The following GPR39 variants were observed in gnomAD, a reference collection of about 807,000 sequenced individuals.
GPR39 encodes G protein-coupled receptor 39.
A neutral mutation model predicts 18.4 loss-of-function variants in GPR39; 23 were observed. The observed-to-expected ratio is 1.25, with a 90% CI of 0.90 to 1.77. The LOEUF (loss-of-function observed/expected upper bound fraction) is 1.77. Ranked by LOEUF, GPR39 falls within the 40% of genes most tolerant of loss-of-function variation. The pLI, the probability that GPR39 is intolerant of heterozygous loss-of-function variation, is 0.00. For missense variants in GPR39, 647 were observed against 602.4 expected, an observed-to-expected ratio of 1.07 and a Z score of -0.78; for synonymous variants, 280 against 257.9, an observed-to-expected ratio of 1.09 and a Z score of -0.82.
At chr2:132,456,383 A>G (rs939495308) in intron 1 of GPR39, among the ~76,000 whole-genome samples, 3 of 151,556 alleles carry the variant, frequency 2.0e-5, no homozygotes, top group African/African-American at 7.3e-5. Flanking sequence ...TTTGCACATG[A>G]GATGGGTCTC....
At chr2:132,464,818 A>T (rs1357207796) in intron 1 of GPR39, among the ~76,000 whole-genome samples, 1 of 152,212 alleles carries the variant, frequency 6.6e-6, no homozygotes, top group African/African-American at 2.4e-5. Context: ...CTCCAAATGT[A>T]GAGGTGCTCT....
Position 132,465,465 on chromosome 2 carries a change from T to C in GPR39, c.856+47567T>C, listed in dbSNP as rs550186033. Among the ~76,000 whole-genome samples, 27 of 152,298 alleles carry C rather than the reference T, an allele frequency of 1.8e-4. No homozygotes were observed. In the South Asian group the frequency reaches 5.6e-3, roughly 32 times the overall value. ...GCTGCTGGTATTGGCAATGAAACTG[T>C]CTGTGAGTGCATTGGCACTGTTGTA... On this transcript the variant is annotated intron_variant, in intron 1 of 1. Coordinates refer to ENST00000329321, the MANE Select transcript of GPR39 (RefSeq NM_001508.3).
At chr2:132,505,636 A>G (rs1299120765) in intron 1 of GPR39, among the ~76,000 whole-genome samples, 1 of 152,152 alleles carries the variant, frequency 6.6e-6, no homozygotes, top group Non-Finnish European at 1.5e-5. Context: ...CCTGCAAATG[A>G]GTGGGATTAT....
At chr2:132,426,726 C>CAGTA (rs1680124799) in intron 1 of GPR39, among the ~76,000 whole-genome samples, 1 of 152,170 alleles carries the variant, frequency 6.6e-6, no homozygotes, top group Non-Finnish European at 1.5e-5. Context: ...GCCATTCTGG[C>CAGTA]AAGCAGAGGG....
intron 1 of GPR39, among the ~76,000 whole-genome samples, chr2:132,436,795 A>G (rs569619666): frequency 6.6e-6 from 1 of 152,278 alleles, no homozygotes; most frequent in South Asian, 2.1e-4. Flanking sequence ...TCTCTGCCTC[A>G]GTTTCCATCA....
At position 132,562,155 on chromosome 2, in the gene GPR39, AT is replaced by A. The variant is rs936018990; in HGVS notation, c.857-82935del. ...TTCTGAGGGTGAGGCCCAGGCATCC[AT>A]TTTTTTTTTTAAGGCTCTCCATATG... On this transcript the variant is annotated intron_variant, in intron 1 of 1. Transcript: ENST00000329321. 4.0e-3 allele frequency among the ~76,000 whole-genome samples: 590 copies of A among 146,710 alleles called. 4 individuals carry two copies. The highest frequency in any genetic ancestry group is 0.013 in the African/African-American group (528 of 40,260).
chr2:132,645,843 T>C lies in GPR39; in HGVS notation c.*237T>C, dbSNP rs1009278956. 1 of 662,614 alleles carries C rather than the reference T, an allele frequency of 1.5e-6. No homozygotes were observed. The highest frequency in any genetic ancestry group is 3.2e-5 in the Admixed American group (1 of 30,780). The allele number at this position is 662,614 out of a possible 1,614,324, so 41.0% of individuals were successfully genotyped here. Reference sequence around the variant, plus strand: ...ACTCCACCTCCTTCCTTCAAGTACATACTGAAAATTCAGTCAGGCTGAATT... The same window carrying C: ...ACTCCACCTCCTTCCTTCAAGTACACACTGAAAATTCAGTCAGGCTGAATT... On this transcript the variant is annotated 3_prime_UTR_variant, in exon 2 of 2. Transcript: ENST00000329321.
At chr2:132,588,772 C>T (rs1025953612) in intron 1 of GPR39, among the ~76,000 whole-genome samples, 2 of 152,198 alleles carry the variant, frequency 1.3e-5, no homozygotes, top group African/African-American at 4.8e-5. Flanking sequence ...ACATGCTATT[C>T]ATAGAACCAG....
In GPR39 at chr2:132,645,279, G is replaced by T. The variant is rs370162388; in HGVS notation, c.1035G>T (p.Thr345=). The T allele has an allele frequency of 3.1e-6, 5 of 1,614,006 alleles. No individual in the cohort carries two copies. The highest frequency in any genetic ancestry group is 3.4e-6 in the Non-Finnish European group (4 of 1,180,026). ...LSSVINPLLY[T]VSSQQFRRVF... ...CGGTCATCAACCCGCTCCTGTACACGGTGTCCTCGCAGCAGTTTCGGCGGG... is the reference window on the plus strand; with the variant it reads ...CGGTCATCAACCCGCTCCTGTACACTGTGTCCTCGCAGCAGTTTCGGCGGG... The change falls in exon 2 of 2, where the codon ACG becomes ACT. Residue 345 remains threonine, a synonymous_variant. Coordinates refer to ENST00000329321, the MANE Select transcript of GPR39 (RefSeq NM_001508.3).
At chr2:132,487,681 C>CCTA (rs1446408044) in intron 1 of GPR39, among the ~76,000 whole-genome samples, 1 of 151,976 alleles carries the variant, frequency 6.6e-6, no homozygotes, top group Non-Finnish European at 1.5e-5. Context: ...GCCAATTAGA[C>CCTA]CTAGCTTTAA....
chr2:132,455,207 T>G (rs1181033454), intron 1 of GPR39, among the ~76,000 whole-genome samples: 1 of 152,208 alleles, frequency 6.6e-6, no homozygotes, highest in Non-Finnish European at 1.5e-5. Context: ...GGTTTAGTCT[T>G]GGGAGGGTGT....
Position 132,645,665 on chromosome 2 carries a change from T to A in GPR39, c.*59T>A, listed in dbSNP as rs1573719791. The A allele has an allele frequency of 6.4e-7, 1 of 1,555,748 alleles. No homozygotes were observed. The highest frequency in any genetic ancestry group is 8.7e-7 in the Non-Finnish European group (1 of 1,153,026). On this transcript the variant is annotated 3_prime_UTR_variant, in exon 2 of 2. Coordinates refer to ENST00000329321, the MANE Select transcript of GPR39 (RefSeq NM_001508.3). ...CCCTCCAGCCCTAAGAAAACGTCAC[T>A]CTCACTCTGCAGTCTCAAACTATGC...
intron 1 of GPR39, among the ~76,000 whole-genome samples, chr2:132,536,682 C>G (rs1474402704): frequency 6.6e-6 from 1 of 152,096 alleles, no homozygotes; most frequent in Non-Finnish European, 1.5e-5. Flanking sequence ...AAGTCTTCCA[C>G]TATTATCGTG....
At chr2:132,555,586 G>A (rs1242548119) in intron 1 of GPR39, among the ~76,000 whole-genome samples, 1 of 152,200 alleles carries the variant, frequency 6.6e-6, no homozygotes. Context: ...AGTACCCCCA[G>A]AAACCAATGG....
rs543148359 is a variant in GPR39 at position 132,478,643 on chromosome 2, A to G, written c.856+60745A>G. The stretch of plus-strand genomic sequence containing the variant: ...ACTGGTGTCTGACATCTTCCAGTAA[A>G]TCTAAATTAAATGTATTCTTGTGAA... On this transcript the variant is annotated intron_variant, in intron 1 of 1. Coordinates refer to ENST00000329321, the MANE Select transcript of GPR39 (RefSeq NM_001508.3). Among the ~76,000 whole-genome samples, 7 of 152,364 alleles carry G rather than the reference A, an allele frequency of 4.6e-5. No homozygotes were observed. In the East Asian group the frequency reaches 1.2e-3, roughly 25 times the overall value.
chr2:132,630,502 T>C (rs141174557), intron 1 of GPR39, among the ~76,000 whole-genome samples: 3 of 152,190 alleles, frequency 2.0e-5, no homozygotes, highest in Admixed American at 6.5e-5. Flanking sequence ...GGTTAGATCC[T>C]GTAGGACTTG....
intron 1 of GPR39, among the ~76,000 whole-genome samples, chr2:132,475,695 T>A (rs910300294): frequency 6.6e-6 from 1 of 152,166 alleles, no homozygotes; most frequent in East Asian, 1.9e-4. Flanking sequence ...GGAAAAGTCA[T>A]GATCTGGGTC....
intron 1 of GPR39, among the ~76,000 whole-genome samples, chr2:132,596,053 T>C (rs1680939965): frequency 6.6e-6 from 1 of 152,074 alleles, no homozygotes; most frequent in South Asian, 2.1e-4. Flanking sequence ...CCCCACTGGC[T>C]CTCCAAGCTG....
chr2:132,590,582 G>A (rs1254336478), intron 1 of GPR39, among the ~76,000 whole-genome samples: 1 of 152,018 alleles, frequency 6.6e-6, no homozygotes, highest in Non-Finnish European at 1.5e-5. Context: ...CACAAGGGTA[G>A]GCACTGAGTT....
Sources: allele counts gnomAD v4.1 joint callset (sites outside exome capture counted in the v4.1 genomes callset), GRCh38; gene constraint gnomAD v4.1.1; transcripts MANE v1.5; gene names NCBI Gene and HGNC (gene_info 2026-07-23, HGNC 2026-07-21).